ALDH1L2: variants seen among roughly 807,000 people sequenced by gnomAD.
ALDH1L2 encodes the protein aldehyde dehydrogenase 1 family member L2.
A neutral mutation model predicts 111.0 loss-of-function variants in ALDH1L2; 91 were observed. That is an observed-to-expected ratio of 0.82 (90% CI 0.69 to 0.98). ALDH1L2 has a LOEUF of 0.98. Ranked by LOEUF, ALDH1L2 falls within the 50% of genes least tolerant of loss-of-function variation. The pLI, the probability that ALDH1L2 is intolerant of heterozygous loss-of-function variation, is 0.00. For synonymous variants in ALDH1L2, 374 were observed against 392.6 expected (o/e 0.95, Z 0.56); for missense variants, 995 against 1,126.8 (o/e 0.88, Z 1.67).
At chr12:105,072,950 G>A (rs554264084) in intron 2 of ALDH1L2, among the ~76,000 whole-genome samples, 29 of 152,300 alleles carry the variant, frequency 1.9e-4, no homozygotes, top group South Asian at 4.1e-4. Flanking sequence ...CTCCAGCCTG[G>A]GCAACAGAGT....
chr12:105,048,937 A>G (rs1279018273), intron 13 of ALDH1L2, among the ~76,000 whole-genome samples: 2 of 133,422 alleles, frequency 1.5e-5, no homozygotes, highest in Non-Finnish European at 3.2e-5. Flanking sequence ...AGGCTGAGGC[A>G]GGAGAATTGC....
chr12:105,038,441 G>A (rs956304270), intron 17 of ALDH1L2, among the ~76,000 whole-genome samples: 8 of 152,054 alleles, frequency 5.3e-5, no homozygotes, highest in Admixed American at 5.2e-4. Context: ...CAAGGTAGAA[G>A]GGATCCTTTA....
At chr12:105,042,943 T>C (rs1409722704) in intron 15 of ALDH1L2, among the ~76,000 whole-genome samples, 1 of 152,240 alleles carries the variant, frequency 6.6e-6, no homozygotes, top group Non-Finnish European at 1.5e-5. Context: ...TTTGGTTAGC[T>C]TGGACTCTAA....
rs1368575313 is a variant in ALDH1L2, at chr12:105,022,868, A to G, written c.*1556T>C. On this transcript the variant is annotated 3_prime_UTR_variant, in exon 23 of 23. Coordinates refer to ENST00000258494, the MANE Select transcript of ALDH1L2 (RefSeq NM_001034173.4). ...TTCTGCCAAGTCTCCAAAATGACAA[A>G]TATTCCCTAAGGCTTCTTCAAAGCC... The G allele has an allele frequency of 6.6e-6, 1 of 152,236 alleles. No homozygotes were observed. Among genetic ancestry groups the G allele is most frequent in the Non-Finnish European group, 1.5e-5 (1 of 68,048 alleles). The allele number at this position is 152,236 out of a possible 1,614,324, so 9.4% of individuals were successfully genotyped here. A position where few individuals can be genotyped will look rare whatever the true frequency, so the allele number is the denominator to read the frequency against.
chr12:105,041,522 A>G (rs73179918), intron 15 of ALDH1L2, among the ~76,000 whole-genome samples: 2,332 of 152,342 alleles, frequency 0.015, 27 homozygotes, highest in Admixed American at 0.026. Flanking sequence ...TTACTATTTT[A>G]TACATTGTAG....
Position 105,070,555 on chromosome 12 carries a change from AAG to A in ALDH1L2, c.428+13_428+14del. 2 of 1,587,992 alleles carry A rather than the reference AAG, an allele frequency of 1.3e-6. No homozygotes were observed. The highest frequency in any genetic ancestry group is 1.7e-6 in the Non-Finnish European group (2 of 1,167,882). The stretch of plus-strand genomic sequence containing the variant: ...CCCCATCTCAAAAAAAAAAAGTAAA[AAG>A]AAAAAATCTCACCAATTGATAGCAG... On this transcript the variant is annotated intron_variant, in intron 3 of 22. Transcript: ENST00000258494.
intron 22 of ALDH1L2, among the ~76,000 whole-genome samples, 182 bp downstream of exon 22, chr12:105,026,363 G>A (rs1020803550): frequency 6.6e-6 from 1 of 152,062 alleles, no homozygotes; most frequent in African/African-American, 2.4e-5. Flanking sequence ...GTACTTTTCT[G>A]TATGTATGGT....
intron 19 of ALDH1L2, among the ~76,000 whole-genome samples, chr12:105,032,574 G>A (rs1418682903): frequency 5.3e-5 from 8 of 152,020 alleles, no homozygotes; most frequent in Non-Finnish European, 7.4e-5. Flanking sequence ...TGATCCTCCC[G>A]CCTCAGCTTC....
Position 105,038,118 on chromosome 12 carries a change from G to A in ALDH1L2, c.2130C>T (p.Asp710=), listed in dbSNP as rs778307448. Residue 710 remains aspartate (D), a synonymous_variant, in exon 18 of 23, where the codon GAC becomes GAT. Transcript: ENST00000258494. The part of the protein sequence containing the change: ...PLIIFNDCEL[D]KAVRMGMGAV... ...CCTCTCTTACCATTCGCACAGCCTT[G>A]TCAAGTTCACAGTCATTAAATATTA... The A allele has an allele frequency of 4.3e-6, 7 of 1,613,534 alleles. No individual in the cohort carries two copies. In the South Asian group the frequency reaches 6.6e-5, roughly 15 times the overall value.
At chr12:105,034,637 A>T (rs12299385) in intron 18 of ALDH1L2, among the ~76,000 whole-genome samples, 10,021 of 152,018 alleles carry the variant, frequency 0.066, 459 homozygotes, top group East Asian at 0.19. Context: ...GCATTTTTTT[A>T]AAAAAATGTA....
intron 1 of ALDH1L2, among the ~76,000 whole-genome samples, chr12:105,076,317 G>A (rs1207089286): frequency 6.6e-6 from 1 of 152,162 alleles, no homozygotes; most frequent in Non-Finnish European, 1.5e-5. Context: ...GGGAGTTTCG[G>A]TCAGGAAGAA....
chr12:105,029,040 T>A (rs1031462467), intron 21 of ALDH1L2, among the ~76,000 whole-genome samples: 1 of 151,634 alleles, frequency 6.6e-6, no homozygotes, highest in Non-Finnish European at 1.5e-5. Flanking sequence ...TTTTTTTTTT[T>A]TTTAGAGGCC....
chr12:105,066,493 A>G (rs1877361201), intron 5 of ALDH1L2, 75 bp downstream of exon 5: 2 of 1,397,776 alleles, frequency 1.4e-6, no homozygotes, highest in South Asian at 2.5e-5. Context: ...TGGCAAGATC[A>G]TAGTATGTGG....
At chr12:105,035,965 TTA>T (rs1340349045) in intron 18 of ALDH1L2, among the ~76,000 whole-genome samples, 4 of 108,840 alleles carry the variant, frequency 3.7e-5, no homozygotes, top group Non-Finnish European at 5.2e-5. Flanking sequence ...ATACGTATAT[TTA>T]TATGTGTATA....
In ALDH1L2 at chr12:105,070,625, T is replaced by C. The variant is rs1360214009; in HGVS notation, c.373A>G (p.Ile125Val). ...GGCAGGATGGATGGGTGATAAATGA[T>C]AGAGCCGTGCTTTGGACTATCAATT... ...DIIDSPKHGS[I>V]IYHPSILPRH... The change falls in exon 3 of 23, where the codon ATC (isoleucine) becomes GTC (valine). Residue 125 changes from isoleucine to valine, a missense_variant. Physicochemically the swap from Ile to Val is conservative, Grantham distance 29 (BLOSUM62 3). Transcript: ENST00000258494. 1 of 1,614,140 alleles carries C rather than the reference T, an allele frequency of 6.2e-7. No individual in the cohort carries two copies. The highest frequency in any genetic ancestry group is 1.3e-5 in the African/African-American group (1 of 75,020).
intron 7 of ALDH1L2, 103 bp from the exon 8 acceptor site, chr12:105,061,855 G>A: frequency 7.3e-7 from 1 of 1,371,704 alleles, no homozygotes; most frequent in East Asian, 2.4e-5. Flanking sequence ...ATAAGGGCAA[G>A]TTTATTTGGA....
intron 11 of ALDH1L2, among the ~76,000 whole-genome samples, 200 bp downstream of exon 11, chr12:105,052,612 T>C (rs566577461): frequency 6.6e-6 from 1 of 152,360 alleles, no homozygotes; most frequent in African/African-American, 2.4e-5. Flanking sequence ...ATAAATGTTC[T>C]ATAAAATAGG....
intron 5 of ALDH1L2, among the ~76,000 whole-genome samples, chr12:105,065,881 G>A (rs1877324374): frequency 1.3e-5 from 2 of 152,164 alleles, no homozygotes; most frequent in African/African-American, 2.4e-5. Flanking sequence ...TATTGTCACT[G>A]CAGGGAGGTT....
intron 18 of ALDH1L2, among the ~76,000 whole-genome samples, chr12:105,036,302 T>C (rs184273422): frequency 0.013 from 856 of 66,176 alleles, 95 homozygotes; most frequent in African/African-American, 0.023. Context: ...ATTATATATA[T>C]ACGTATATTT....
Sources: gnomAD v4.1 joint callset for allele counts (sites outside exome capture counted in the v4.1 genomes callset) on GRCh38, gnomAD v4.1.1 for gene constraint, MANE v1.5 for transcripts, NCBI Gene and HGNC (gene_info 2026-07-23, HGNC 2026-07-21) for gene names.